GPATCH3: variants seen among roughly 807,000 people sequenced by gnomAD.
The protein encoded by GPATCH3 is G-patch domain containing 3, also known as G patch domain-containing protein 3.
GPATCH3 carries 45 observed loss-of-function variants against 53.2 expected under a neutral mutation model. The ratio of observed to expected loss-of-function variants is 0.85; its 90% CI spans 0.67 to 1.08. The LOEUF (loss-of-function observed/expected upper bound fraction) is 1.08. Ranked by LOEUF, GPATCH3 falls within the 50% of genes least tolerant of loss-of-function variation. GPATCH3 has a pLI of 0.00. For missense variants in GPATCH3, 680 were observed against 687.2 expected, an observed-to-expected ratio of 0.99 and a Z score of 0.12; for synonymous variants, 280 against 270.6, an observed-to-expected ratio of 1.03 and a Z score of -0.34.
intron 1 of GPATCH3, among the ~76,000 whole-genome samples, chr1:26,899,433 C>G (rs2081964976): frequency 6.6e-6 from 1 of 152,198 alleles, no homozygotes; most frequent in African/African-American, 2.4e-5. Flanking sequence ...TAACCTTTTT[C>G]CAAATGTCTT....
chr1:26,898,125 C>A (rs1570702075), intron 1 of GPATCH3, among the ~76,000 whole-genome samples: 1 of 151,960 alleles, frequency 6.6e-6, no homozygotes, highest in South Asian at 2.1e-4. Context: ...GACAGAGTAC[C>A]CTGTCTCAAA....
intron 2 of GPATCH3, among the ~76,000 whole-genome samples, chr1:26,896,700 C>CA (rs1217337897): frequency 5.2e-4 from 66 of 127,268 alleles, no homozygotes; most frequent in African/African-American, 8.2e-4. Flanking sequence ...GACTCTGTCT[C>CA]AAAAAAAAAA....
chr1:26,898,458 C>T (rs1163752031), intron 1 of GPATCH3, among the ~76,000 whole-genome samples: 1 of 152,078 alleles, frequency 6.6e-6, no homozygotes, highest in Non-Finnish European at 1.5e-5. Context: ...GCTGGGATTA[C>T]AGGCATGTGC....
chr1:26,897,242 A>G (rs2081954900), intron 2 of GPATCH3, 59 bp downstream of exon 2: 1 of 1,520,034 alleles, frequency 6.6e-7, no homozygotes, highest in Non-Finnish European at 9.0e-7. Context: ...GAGTGGTATT[A>G]TTAATGCCTT....
At chr1:26,899,149 T>C (rs1008271950) in intron 1 of GPATCH3, among the ~76,000 whole-genome samples, 1 of 152,204 alleles carries the variant, frequency 6.6e-6, no homozygotes, top group Non-Finnish European at 1.5e-5. Context: ...TTCTCCCTTC[T>C]CTGTCATCTC....
chr1:26,895,680 C>T (rs1329033794), intron 2 of GPATCH3, among the ~76,000 whole-genome samples: 2 of 151,496 alleles, frequency 1.3e-5, no homozygotes, highest in African/African-American at 2.4e-5. Context: ...CTCTATCGCC[C>T]AGGCTGGAGT....
Position 26,892,399 on chromosome 1 carries a change from A to G in GPATCH3, c.1361+12T>C. ...GCTTGGGCCCCCAGGGAAGTCCCTC[A>G]GTCACACTTACCCCAATCCACGCTT... On this transcript the variant is annotated intron_variant, in intron 6 of 6. Transcript: ENST00000361720. 6.2e-7 allele frequency: 1 copy of G among 1,606,366 alleles called. No homozygotes were observed. The highest frequency in any genetic ancestry group is 8.5e-7 in the Non-Finnish European group (1 of 1,174,640).
At chr1:26,896,449 T>G (rs1233074054) in intron 2 of GPATCH3, among the ~76,000 whole-genome samples, 1 of 151,442 alleles carries the variant, frequency 6.6e-6, no homozygotes, top group Non-Finnish European at 1.5e-5. Flanking sequence ...CCCAGCACTT[T>G]GGCAGGCCGA....
Position 26,900,446 on chromosome 1 carries a change from G to C in GPATCH3, c.-4C>G, listed in dbSNP as rs1191363926. On this transcript the variant is annotated 5_prime_UTR_variant, in exon 1 of 7. Transcript: ENST00000361720. ...CCGCCTCGCCGGGCACCGCCATCTTGGATTGTCACATGATCAGCTAGAACC... is the reference window on the plus strand; with the variant it reads ...CCGCCTCGCCGGGCACCGCCATCTTCGATTGTCACATGATCAGCTAGAACC... 2 of 1,607,234 alleles carry C rather than the reference G, an allele frequency of 1.2e-6. No homozygotes were observed. Among genetic ancestry groups the C allele is most frequent in the Non-Finnish European group, 1.7e-6 (2 of 1,175,982 alleles).
chr1:26,897,328 T>C lies in GPATCH3; in HGVS notation c.849A>G (p.Glu283=). 6.2e-7 allele frequency: 1 copy of C among 1,614,164 alleles called. No homozygotes were observed. Among genetic ancestry groups the C allele is most frequent in the South Asian group, 1.1e-5 (1 of 91,084 alleles). Residue 283 remains glutamate (E), a synonymous_variant, in exon 2 of 7, where the codon GAA becomes GAG. Coordinates refer to ENST00000361720, the MANE Select transcript of GPATCH3 (RefSeq NM_022078.3). ...CGEPEEEVGK[E]EEEESHSDED... is the part of the protein sequence containing the mutation. ...CATCTGAGTGAGACTCTTCTTCCTC[T>C]TCCTTCCCCACTTCTTCCTCAGGCT...
In GPATCH3 at chr1:26,897,631, C is replaced by T. The variant is rs767925331; in HGVS notation, c.546G>A (p.Pro182=). ...GCATCAGCACTGGTGGGTTCAGCTCCGGCAGTTGCTTCAGGTCAGCCAGGG... is the reference window on the plus strand; with the variant it reads ...GCATCAGCACTGGTGGGTTCAGCTCTGGCAGTTGCTTCAGGTCAGCCAGGG... ...AFTLADLKQL[P]ELNPPVLMPR... is the part of the protein sequence containing the mutation. The change falls in exon 2 of 7, where the codon CCG becomes CCA. Residue 182 remains proline (P), a synonymous_variant. Coordinates refer to ENST00000361720, the MANE Select transcript of GPATCH3 (RefSeq NM_022078.3). 81 of 1,614,042 alleles carry T rather than the reference C, an allele frequency of 5.0e-5. No individual in the cohort carries two copies. The highest frequency in any genetic ancestry group is 6.7e-5 in the Admixed American group (4 of 59,986).
chr1:26,892,242 T>G (rs1459852963), intron 6 of GPATCH3, among the ~76,000 whole-genome samples, 169 bp downstream of exon 6: 1 of 152,228 alleles, frequency 6.6e-6, no homozygotes, highest in East Asian at 1.9e-4. Context: ...GCGCTAGGAT[T>G]ACAGGCTTGA....
At chr1:26,894,176 G>A (rs574697760) in intron 3 of GPATCH3, 60 bp downstream of exon 3, 245 of 1,551,822 alleles carry the variant, frequency 1.6e-4, no homozygotes, top group Non-Finnish European at 1.9e-4. Context: ...GTGTGGAACA[G>A]GGAACCCCAA....
At position 26,894,408 on chromosome 1, in the gene GPATCH3, G is replaced by A. The variant is rs750361496; in HGVS notation, c.879C>T (p.Asp293=). ...GTTCCCATTCCTCACCCCGGTCATC[G>A]TCCTAAAAGGCAGGGAGAGGTGATT... The part of the protein sequence containing the change: ...EEEEESHSDE[D]DDRGEEWERH... Residue 293 remains aspartate (D), a splice_region_variant and synonymous_variant, in exon 3 of 7, where the codon GAC becomes GAT. Coordinates refer to ENST00000361720, the MANE Select transcript of GPATCH3 (RefSeq NM_022078.3). 1.6e-5 allele frequency: 26 copies of A among 1,613,522 alleles called. No individual in the cohort carries two copies. The highest frequency in any genetic ancestry group is 1.6e-4 in the Middle Eastern group (1 of 6,074).
Position 26,898,671 on chromosome 1 carries a change from CT to C in GPATCH3, c.452-947del, listed in dbSNP as rs547852686. ...TTTCTCCTAATTTCTTTTTTTTCTT[CT>C]TTTTTTTTTTTTGAGATGGGGTCTC... On this transcript the variant is annotated intron_variant, in intron 1 of 6. Coordinates refer to ENST00000361720, the MANE Select transcript of GPATCH3 (RefSeq NM_022078.3). 4.3e-3 allele frequency among the ~76,000 whole-genome samples: 618 copies of C among 143,600 alleles called. 1 individual carries two copies. The highest frequency in any genetic ancestry group is 0.02 in the South Asian group (90 of 4,532). 94.2% of individuals were successfully genotyped at this position (143,600 alleles called of 152,430 possible). A position where few individuals can be genotyped will look rare whatever the true frequency, so the allele number is the denominator to read the frequency against.
rs1352108473 is a variant in GPATCH3, at chr1:26,890,739, C to T, written c.*271G>A. ...TCACTCAACCCAGCTTTTCAAAGTT[C>T]TGCAGGAGGCAAAGGGCAAGCCCAG... On this transcript the variant is annotated 3_prime_UTR_variant, in exon 7 of 7. Coordinates refer to ENST00000361720, the MANE Select transcript of GPATCH3 (RefSeq NM_022078.3). The T allele has an allele frequency of 4.1e-5, 27 of 655,338 alleles. No individual in the cohort carries two copies. Among genetic ancestry groups the T allele is most frequent in the Middle Eastern group, 2.6e-4 (1 of 3,824 alleles). The allele number at this position is 655,338 out of a possible 1,614,324, so 40.6% of individuals were successfully genotyped here.
intron 3 of GPATCH3, among the ~76,000 whole-genome samples, 165 bp downstream of exon 3, chr1:26,894,071 C>G (rs576941557): frequency 6.6e-6 from 1 of 152,200 alleles, no homozygotes. Context: ...TCTCACTGAT[C>G]CCCACTCTTA....
At chr1:26,894,436 C>A (rs754611487) in intron 2 of GPATCH3, 26 bp from the exon 3 acceptor site, 17 of 1,609,824 alleles carry the variant, frequency 1.1e-5, no homozygotes, top group Non-Finnish European at 1.4e-5. Flanking sequence ...AGGTGATTTG[C>A]CTGAGCTTCC....
rs777702950 is a variant in GPATCH3 at position 26,893,368 on chromosome 1, T to C, written c.1111+21A>G. 6.3e-6 allele frequency: 10 copies of C among 1,595,838 alleles called. No individual in the cohort carries two copies. The East Asian group carries it at 2.2e-4, about 36-fold the overall frequency. Reference sequence around the variant, plus strand: ...CAGGGCACCTGTTTCACCTCCAGTATTGCCACTCCTTGCCCAGTACCTCTG... The same window carrying C: ...CAGGGCACCTGTTTCACCTCCAGTACTGCCACTCCTTGCCCAGTACCTCTG... On this transcript the variant is annotated intron_variant, in intron 4 of 6. Coordinates refer to ENST00000361720, the MANE Select transcript of GPATCH3 (RefSeq NM_022078.3).
Sources: gnomAD v4.1 joint callset for allele counts (sites outside exome capture counted in the v4.1 genomes callset) on GRCh38, gnomAD v4.1.1 for gene constraint, MANE v1.5 for transcripts, NCBI Gene and HGNC (gene_info 2026-07-23, HGNC 2026-07-21) for gene names.